CFDP1: variants seen among roughly 807,000 people sequenced by gnomAD.
CFDP1 encodes the protein chromatin remodeling protein CFDP1.
Under a neutral mutation model 40.1 loss-of-function variants are expected in CFDP1, and 31 were observed. That is an observed-to-expected ratio of 0.77 (90% CI 0.58 to 1.04). The LOEUF (loss-of-function observed/expected upper bound fraction) is 1.04. CFDP1 is among the 50% of genes least tolerant of loss of function. CFDP1 has a pLI of 0.00. For synonymous variants in CFDP1, 167 were observed against 120.0 expected, an observed-to-expected ratio of 1.39 and a Z score of -2.56; for missense variants, 423 against 343.4, an observed-to-expected ratio of 1.23 and a Z score of -1.83.
chr16:75,299,066 T>G (rs2078203903), intron 6 of CFDP1, among the ~76,000 whole-genome samples: 1 of 152,156 alleles, frequency 6.6e-6, no homozygotes, highest in South Asian at 2.1e-4. Flanking sequence ...CTGCTGCTGC[T>G]GATCACCACC....
At chr16:75,341,404 G>A (rs1009467090) in intron 5 of CFDP1, among the ~76,000 whole-genome samples, 1 of 152,144 alleles carries the variant, frequency 6.6e-6, no homozygotes, top group Non-Finnish European at 1.5e-5. Flanking sequence ...TGTTCAGAAA[G>A]GTTTTCTTTT....
chr16:75,306,845 C>G (rs1484400663), intron 5 of CFDP1, among the ~76,000 whole-genome samples: 1 of 151,880 alleles, frequency 6.6e-6, no homozygotes, highest in East Asian at 1.9e-4. Flanking sequence ...TTCCAGACAA[C>G]TCAACCCCTA....
chr16:75,367,146 AG>A (rs2078720158), intron 5 of CFDP1, among the ~76,000 whole-genome samples: 1 of 144,902 alleles, frequency 6.9e-6, no homozygotes, highest in Non-Finnish European at 1.5e-5. Flanking sequence ...CCTGAGTGAC[AG>A]GAACGAGACT....
At chr16:75,384,782 A>T (rs969617305) in intron 5 of CFDP1, among the ~76,000 whole-genome samples, 4 of 150,984 alleles carry the variant, frequency 2.6e-5, no homozygotes, top group Non-Finnish European at 5.9e-5. Context: ...ACAGATGTTT[A>T]TATTGAACCT....
At chr16:75,344,596 G>T (rs777977601) in intron 5 of CFDP1, among the ~76,000 whole-genome samples, 1 of 151,998 alleles carries the variant, frequency 6.6e-6, no homozygotes, top group Non-Finnish European at 1.5e-5. Context: ...CTTCAGAAAG[G>T]GACTAATAAC....
intron 5 of CFDP1, among the ~76,000 whole-genome samples, chr16:75,315,331 CAAAAAA>C (rs758174791): frequency 0.011 from 522 of 47,792 alleles, 4 homozygotes; most frequent in Middle Eastern, 0.038. Context: ...GACCCTATCT[CAAAAAA>C]AAAAAAAAAA....
At chr16:75,328,025 C>T (rs553262432) in intron 5 of CFDP1, among the ~76,000 whole-genome samples, 21 of 151,558 alleles carry the variant, frequency 1.4e-4, no homozygotes, top group African/African-American at 4.4e-4. Flanking sequence ...CCACAGCACC[C>T]GGCAACACCA....
intron 1 of CFDP1, among the ~76,000 whole-genome samples, chr16:75,428,964 A>C (rs1291378114): frequency 1.3e-5 from 2 of 151,922 alleles, no homozygotes; most frequent in Admixed American, 1.3e-4. Flanking sequence ...TAAAAATACA[A>C]AAATTAGCCA....
chr16:75,308,685 C>A (rs953327830), intron 5 of CFDP1, among the ~76,000 whole-genome samples: 3 of 152,172 alleles, frequency 2.0e-5, no homozygotes, highest in Admixed American at 2.0e-4. Context: ...CTTTTATTCT[C>A]CCATCAGCTC....
At chr16:75,386,077 G>C (rs1044512213) in intron 5 of CFDP1, among the ~76,000 whole-genome samples, 1 of 152,062 alleles carries the variant, frequency 6.6e-6, no homozygotes. Context: ...CATGGCACAT[G>C]GATTCCTATG....
intron 5 of CFDP1, among the ~76,000 whole-genome samples, chr16:75,339,461 T>C (rs1456648234): frequency 6.6e-6 from 1 of 151,784 alleles, no homozygotes; most frequent in Non-Finnish European, 1.5e-5. Context: ...TGTGAGCTTT[T>C]CAGTTTCTTC....
In CFDP1 at chr16:75,300,178, T is replaced by A. The variant is rs1361447285; in HGVS notation, c.809+4846A>T. Among the ~76,000 whole-genome samples, 9 of 152,002 alleles carry A rather than the reference T, an allele frequency of 5.9e-5. No homozygotes were observed. The East Asian group carries it at 1.7e-3, about 29-fold the overall frequency. On this transcript the variant is annotated intron_variant, in intron 6 of 6. Transcript: ENST00000283882. ...CAGATGTCTGCGGCCTGTACTGGGG[T>A]GGTGGTAGTGGGGCTGCGTGAATAG...
chr16:75,326,990 G>A (rs1295167275), intron 5 of CFDP1, among the ~76,000 whole-genome samples: 11 of 152,226 alleles, frequency 7.2e-5, no homozygotes. Flanking sequence ...ACGGGAATAG[G>A]CCGGGCGCAG....
intron 4 of CFDP1, among the ~76,000 whole-genome samples, chr16:75,400,460 C>A (rs1026840097): frequency 6.6e-5 from 10 of 152,062 alleles, no homozygotes; most frequent in Non-Finnish European, 1.2e-4. Flanking sequence ...ACACCAGGAA[C>A]CTTTCGAGGT....
In CFDP1 at chr16:75,395,142, T is replaced by A; in HGVS notation, c.598A>T (p.Lys200Ter). 6.2e-7 allele frequency: 1 copy of A among 1,613,996 alleles called. No homozygotes were observed. The highest frequency in any genetic ancestry group is 8.5e-7 in the Non-Finnish European group (1 of 1,179,914). ...KSFFKQNEKE[K>*]PQANVPSALP... ...GCTGAAGGAACATTAGCCTGTGGTT[T>A]TTCTTTCTCATTCTGCTTGAAGAAG... The change falls in exon 5 of 7, where the codon AAA becomes TAA. Residue 200 changes from lysine (K) to a stop codon, truncating the protein, a stop_gained. Transcript: ENST00000283882. LOFTEE classifies it high-confidence loss of function.
chr16:75,381,051 G>A (rs2078847873), intron 5 of CFDP1, among the ~76,000 whole-genome samples: 1 of 152,222 alleles, frequency 6.6e-6, no homozygotes, highest in Non-Finnish European at 1.5e-5. Flanking sequence ...GGCACGTAGA[G>A]TGGAGAGAGG....
intron 5 of CFDP1, among the ~76,000 whole-genome samples, chr16:75,318,875 GTGTCC>G (rs2078344017): frequency 6.6e-6 from 1 of 152,150 alleles, no homozygotes; most frequent in African/African-American, 2.4e-5. Context: ...GGATACAGGG[GTGTCC>G]TCAGTCAAAT....
intron 5 of CFDP1, among the ~76,000 whole-genome samples, chr16:75,319,203 C>G (rs531928919): frequency 6.6e-6 from 1 of 152,064 alleles, no homozygotes; most frequent in Non-Finnish European, 1.5e-5. Flanking sequence ...GCCACCATGC[C>G]CAGCTAATTT....
intron 5 of CFDP1, among the ~76,000 whole-genome samples, chr16:75,317,536 G>A (rs1196547828): frequency 1.3e-5 from 2 of 152,188 alleles, no homozygotes; most frequent in Non-Finnish European, 2.9e-5. Context: ...CCCCTGAGGT[G>A]CGAACTGCTG....
Sources: gnomAD v4.1 joint callset for allele counts (sites outside exome capture counted in the v4.1 genomes callset) on GRCh38, gnomAD v4.1.1 for gene constraint, MANE v1.5 for transcripts, NCBI Gene and HGNC (gene_info 2026-07-23, HGNC 2026-07-21) for gene names.